Variants in CREB3L2 observed in about 807,000 individuals in gnomAD.
CREB3L2 encodes the protein cAMP responsive element binding protein 3 like 2.
In CREB3L2, 23 loss-of-function variants were observed where a neutral mutation model predicts 57.2. The ratio of observed to expected loss-of-function variants is 0.40; its 90% CI spans 0.29 to 0.57. CREB3L2 has a LOEUF of 0.57. Among genes scored for constraint, CREB3L2 ranks in the 20% least tolerant of loss-of-function variants. The pLI, the probability that CREB3L2 is intolerant of heterozygous loss-of-function variation, is 0.42. For synonymous variants in CREB3L2, 268 were observed against 265.1 expected, an observed-to-expected ratio of 1.01 and a Z score of -0.11; for missense variants, 628 against 634.7, an observed-to-expected ratio of 0.99 and a Z score of 0.11.
rs1311644655 is a variant in CREB3L2, at chr7:137,880,569, G to A, written c.1488-18C>T. 1.9e-6 allele frequency: 3 copies of A among 1,592,260 alleles called. No homozygotes were observed. Among genetic ancestry groups the A allele is most frequent in the Admixed American group, 3.3e-5 (2 of 59,884 alleles). On this transcript the variant is annotated intron_variant, in intron 11 of 11. Coordinates refer to ENST00000330387, the MANE Select transcript of CREB3L2 (RefSeq NM_194071.4). This position sits in a 1 kb window ranked among gnomAD's most constrained non-coding sequence, Gnocchi z 4.0. ...CGCTGACCCTGTGAAGGCATTAAAA[G>A]GAAAACGAAGTATTAGTCACCAGCT...
chr7:137,946,765 TTTAGTTATC>T (rs1563262134), intron 1 of CREB3L2, among the ~76,000 whole-genome samples: 7 of 36,014 alleles, frequency 1.9e-4, no homozygotes, highest in South Asian at 8.3e-4. Context: ...ATCTATATAG[TTTAGTTATC>T]TATATAGTTA....
chr7:137,973,883 C>CA (rs1353241948), intron 1 of CREB3L2, among the ~76,000 whole-genome samples: 2 of 152,136 alleles, frequency 1.3e-5, no homozygotes, highest in African/African-American at 4.8e-5. Context: ...TATGAGCTGG[C>CA]ATTGCATGTT....
intron 1 of CREB3L2, among the ~76,000 whole-genome samples, chr7:137,956,012 A>C (rs1415088857): frequency 6.6e-6 from 1 of 152,192 alleles, no homozygotes; most frequent in Non-Finnish European, 1.5e-5. Context: ...AATCACTCAT[A>C]CTTTGATGTT....
chr7:137,882,538 T>C lies in CREB3L2; in HGVS notation c.1361A>G (p.Asp454Gly). Reference sequence around the variant, plus strand: ...CACCCTGAGCAGGGAGGAACCTCTATCCCAGCCCCCCAGCTCCCCAGCCGA... The same window carrying C: ...CACCCTGAGCAGGGAGGAACCTCTACCCCAGCCCCCCAGCTCCCCAGCCGA... ...PGSAGELGGWDRGSSLLRVSG... is the reference protein window; with the variant it reads ...PGSAGELGGWGRGSSLLRVSG... Residue 454 changes from aspartate (D) to glycine (G), a missense_variant, in exon 11 of 12, where the codon GAT (aspartate) becomes GGT (glycine). By Grantham distance (94) the Asp-to-Gly change is moderately conservative (BLOSUM62 -1). This residue lies in a region of CREB3L2 where 272 missense variants were observed against 242.7 expected (regional missense o/e 1.12). Transcript: ENST00000330387. 3 of 1,613,788 alleles carry C rather than the reference T, an allele frequency of 1.9e-6. No homozygotes were observed. The highest frequency in any genetic ancestry group is 1.7e-6 in the Non-Finnish European group (2 of 1,179,792).
At chr7:137,927,278 GAGGA>G (rs1554498591) in intron 2 of CREB3L2, among the ~76,000 whole-genome samples, 43 of 136,630 alleles carry the variant, frequency 3.1e-4, no homozygotes, top group Admixed American at 9.3e-4. Flanking sequence ...GAAAGGAAAG[GAGGA>G]AGGAAGGAAG....
At chr7:137,934,745 G>C (rs1800742698) in intron 1 of CREB3L2, among the ~76,000 whole-genome samples, 1 of 152,206 alleles carries the variant, frequency 6.6e-6, no homozygotes, top group South Asian at 2.1e-4. Flanking sequence ...CAGCAATAAG[G>C]ATGGAGATAC....
At chr7:137,882,040 A>G (rs1295916883) in intron 11 of CREB3L2, among the ~76,000 whole-genome samples, 1 of 152,246 alleles carries the variant, frequency 6.6e-6, no homozygotes, top group Non-Finnish European at 1.5e-5. Flanking sequence ...GCCATGAAAC[A>G]TGTCTTAAAG....
At chr7:137,945,590 A>C (rs1342637149) in intron 1 of CREB3L2, among the ~76,000 whole-genome samples, 1 of 152,222 alleles carries the variant, frequency 6.6e-6, no homozygotes, top group Non-Finnish European at 1.5e-5. Context: ...CAGGGCAATA[A>C]TACCCCAAAT....
At chr7:137,913,839 C>T (rs751818728) in intron 3 of CREB3L2, among the ~76,000 whole-genome samples, 1 of 152,004 alleles carries the variant, frequency 6.6e-6, no homozygotes, top group Non-Finnish European at 1.5e-5. Context: ...AGTTGTAGAG[C>T]GTAACTGTGC....
At chr7:137,885,240 C>T in intron 9 of CREB3L2, 119 bp from the exon 10 acceptor site, 1 of 1,251,232 alleles carries the variant, frequency 8.0e-7, no homozygotes, top group South Asian at 1.4e-5. Flanking sequence ...ACTGCACCCA[C>T]CAGTCACATC....
chr7:137,918,470 C>T (rs934837327), intron 2 of CREB3L2, among the ~76,000 whole-genome samples: 4 of 152,186 alleles, frequency 2.6e-5, no homozygotes, highest in Admixed American at 1.3e-4. Context: ...TGTGAGCCAC[C>T]GTGAACAGCC....
chr7:137,981,780 G>A (rs751843759), intron 1 of CREB3L2, among the ~76,000 whole-genome samples: 9 of 152,206 alleles, frequency 5.9e-5, no homozygotes, highest in African/African-American at 9.6e-5. Flanking sequence ...GGTTTTTCTG[G>A]TTTATGATGT....
intron 8 of CREB3L2, among the ~76,000 whole-genome samples, chr7:137,886,918 T>C (rs1799431409): frequency 6.6e-6 from 1 of 152,084 alleles, no homozygotes; most frequent in Non-Finnish European, 1.5e-5. Flanking sequence ...CACACCCTCC[T>C]GAGTTAGAGC....
intron 1 of CREB3L2, among the ~76,000 whole-genome samples, chr7:137,994,382 A>C (rs1801949663): frequency 6.6e-6 from 1 of 152,190 alleles, no homozygotes; most frequent in South Asian, 2.1e-4. Context: ...CCTGCTGTCG[A>C]TCCCAAACAG....
intron 1 of CREB3L2, among the ~76,000 whole-genome samples, chr7:137,979,674 C>T (rs539432360): frequency 2.2e-4 from 34 of 152,182 alleles, no homozygotes; most frequent in Admixed American, 1.6e-3. Context: ...TGCAGTGAGC[C>T]GAGATCGTGC....
At chr7:137,989,206 C>T (rs1437524304) in intron 1 of CREB3L2, among the ~76,000 whole-genome samples, 1 of 152,108 alleles carries the variant, frequency 6.6e-6, no homozygotes, top group African/African-American at 2.4e-5. Context: ...GGAAACCAGG[C>T]CTCTCCTTCC....
intron 1 of CREB3L2, among the ~76,000 whole-genome samples, chr7:137,951,708 C>T (rs1801103161): frequency 6.6e-6 from 1 of 152,190 alleles, no homozygotes; most frequent in Non-Finnish European, 1.5e-5. Flanking sequence ...ACAGGCCAGA[C>T]ATGGTGGCTC....
chr7:137,989,183 C>T (rs753708320), intron 1 of CREB3L2, among the ~76,000 whole-genome samples: 17 of 152,254 alleles, frequency 1.1e-4, no homozygotes, highest in Admixed American at 2.0e-4. Context: ...TTCTGCAGTT[C>T]GTGCTCTCGC....
chr7:137,972,708 A>ACAAAACAAAACAAAAAAAC (rs1554503522), intron 1 of CREB3L2, among the ~76,000 whole-genome samples: 1 of 42,860 alleles, frequency 2.3e-5, no homozygotes, highest in African/African-American at 1.2e-4. Flanking sequence ...AAAAAAAAAA[A>ACAAAACAAAACAAAAAAAC]AAAAATATAT....
Sources: allele counts gnomAD v4.1 joint callset (sites outside exome capture counted in the v4.1 genomes callset), GRCh38; gene constraint gnomAD v4.1.1; regional missense constraint gnomAD v4.1.1; non-coding constraint Gnocchi (gnomAD v3.1); transcripts MANE v1.5; gene names NCBI Gene and HGNC (gene_info 2026-07-23, HGNC 2026-07-21).